Variants in RP1 observed in about 807,000 individuals in gnomAD.
RP1 encodes oxygen-regulated protein 1.
A neutral mutation model predicts 14.8 loss-of-function variants in RP1; 16 were observed. The ratio of observed to expected loss-of-function variants is 1.08; its 90% CI spans 0.73 to 1.65. The LOEUF is 1.65. RP1 is among the 40% of genes most tolerant of loss of function. The pLI is 0.00. For missense variants in RP1, 2,631 were observed against 2,535.0 expected (o/e 1.04, Z -0.81); for synonymous variants, 876 against 883.6 (o/e 0.99, Z 0.15).
chr8:54,779,423 A>G (rs1414887209), intron 23 of RP1, among the ~76,000 whole-genome samples: 1 of 152,164 alleles, frequency 6.6e-6, no homozygotes, highest in Non-Finnish European at 1.5e-5. Flanking sequence ...CTTAATTCAC[A>G]TGCATCTTCT....
At chr8:54,725,338 T>C (rs1258452720) in intron 16 of RP1, among the ~76,000 whole-genome samples, 1 of 152,200 alleles carries the variant, frequency 6.6e-6, no homozygotes, top group Non-Finnish European at 1.5e-5. Context: ...TGTCTCAGCA[T>C]TGCATTGTAT....
chr8:54,606,063 G>A (rs909511276), intron 1 of RP1, among the ~76,000 whole-genome samples: 2 of 152,074 alleles, frequency 1.3e-5, no homozygotes, highest in African/African-American at 4.8e-5. Context: ...ATATTGTTAT[G>A]TGTGAATTTG....
chr8:54,642,108 T>A (rs1806463779), intron 3 of RP1, among the ~76,000 whole-genome samples: 1 of 152,196 alleles, frequency 6.6e-6, no homozygotes, highest in Admixed American at 6.5e-5. Context: ...TTCTAGCCTG[T>A]GAATACTCTA....
intron 24 of RP1, among the ~76,000 whole-genome samples, chr8:54,784,498 TA>T (rs143181949): frequency 0.028 from 4,333 of 152,268 alleles, 119 homozygotes; most frequent in African/African-American, 0.063. Context: ...AAGTTTTTAC[TA>T]TTATAAATAA....
chr8:54,592,787 T>G (rs1214959156), intron 1 of RP1, among the ~76,000 whole-genome samples: 1 of 152,164 alleles, frequency 6.6e-6, no homozygotes, highest in African/African-American at 2.4e-5. Flanking sequence ...TTTTCATGCT[T>G]GTTGCCCCTT....
intron 27 of RP1, among the ~76,000 whole-genome samples, chr8:54,859,817 C>T (rs867787722): frequency 2.2e-4 from 34 of 152,176 alleles, no homozygotes; most frequent in African/African-American, 8.0e-4. Flanking sequence ...CCCTTGCCAG[C>T]AGCACATGGA....
At chr8:54,752,930 T>C (rs1012457326) in intron 19 of RP1, among the ~76,000 whole-genome samples, 1 of 152,216 alleles carries the variant, frequency 6.6e-6, no homozygotes, top group African/African-American at 2.4e-5. Context: ...TTAATATTAA[T>C]GTATGTATAC....
chr8:54,585,325 T>C (rs1804895229), intron 1 of RP1, among the ~76,000 whole-genome samples: 1 of 152,236 alleles, frequency 6.6e-6, no homozygotes, highest in South Asian at 2.1e-4. Flanking sequence ...AATATTGGCC[T>C]CCTGTCTCTT....
Position 54,758,921 on chromosome 8 carries a change from G to T in RP1, c.3094-1G>T. Reference sequence around the variant, plus strand: ...GTTTTTTTCTCTGTCTCCTGCACCAGATTGATAAATTTCAAGTAGCAGCAG... The same window carrying T: ...GTTTTTTTCTCTGTCTCCTGCACCATATTGATAAATTTCAAGTAGCAGCAG... On this transcript the variant is annotated splice_acceptor_variant, in intron 21 of 22. Coordinates refer to the RP1 transcript ENST00000636932. LOFTEE classifies it high-confidence loss of function. 6.5e-7 allele frequency: 1 copy of T among 1,535,426 alleles called. No homozygotes were observed. Among genetic ancestry groups the T allele is most frequent in the South Asian group, 1.2e-5 (1 of 84,028 alleles).
At chr8:54,843,292 G>A (rs1416662141) in intron 25 of RP1, among the ~76,000 whole-genome samples, 1 of 152,130 alleles carries the variant, frequency 6.6e-6, no homozygotes, top group Non-Finnish European at 1.5e-5. Context: ...ACGTTGGCCA[G>A]GCTGGTCTCA....
intron 18 of RP1, chr8:54,738,870 AAAAG>A: frequency 2.0e-6 from 2 of 995,040 alleles, no homozygotes; most frequent in Non-Finnish European, 2.8e-6. Context: ...AGTTAGTGTA[AAAAG>A]AAAGAATTTT....
In RP1 at chr8:54,625,870, A is replaced by G. The variant is rs980077955; in HGVS notation, c.1988A>G (p.Lys663Arg). The G allele has an allele frequency of 3.1e-6, 5 of 1,613,866 alleles. No individual in the cohort carries two copies. The highest frequency in any genetic ancestry group is 1.3e-5 in the African/African-American group (1 of 75,064). Residue 663 changes from lysine (K) to arginine (R), a missense_variant, in exon 4 of 4, where the codon AAG (lysine) becomes AGG (arginine). Coordinates refer to ENST00000220676, the MANE Select transcript of RP1 (RefSeq NM_006269.2). ...GLTKLPKNEKKILSSVASKKK... is the reference protein window; with the variant it reads ...GLTKLPKNEKRILSSVASKKK... ...ACAAAACTTCCAAAAAATGAAAAGA[A>G]GATTTTGTCATCTGTTGCCAGCAAA...
chr8:54,742,119 G>A (rs748709557), intron 19 of RP1, among the ~76,000 whole-genome samples: 1 of 151,980 alleles, frequency 6.6e-6, no homozygotes, highest in Non-Finnish European at 1.5e-5. Flanking sequence ...AAAAATAGAT[G>A]GTAATTAAAC....
At chr8:54,773,616 A>G (rs758754197), downstream of RP1, among the ~76,000 whole-genome samples, 1 of 152,156 alleles carries the variant, frequency 6.6e-6, no homozygotes, top group Non-Finnish European at 1.5e-5. Context: ...TGGCCTGGGC[A>G]ACAGATCAAG....
At chr8:54,596,265 G>A (rs1805143303) in intron 1 of RP1, among the ~76,000 whole-genome samples, 1 of 151,962 alleles carries the variant, frequency 6.6e-6, no homozygotes, top group African/African-American at 2.4e-5. Context: ...GTGATTTTTG[G>A]GGTACACTTG....
At chr8:54,859,575 T>TGGTGTC (rs1563398787) in intron 27 of RP1, among the ~76,000 whole-genome samples, 2 of 150,954 alleles carry the variant, frequency 1.3e-5, no homozygotes, top group Non-Finnish European at 3.0e-5. Flanking sequence ...CACTGTAGGG[T>TGGTGTC]AGTGTCACTG....
intron 12 of RP1, among the ~76,000 whole-genome samples, chr8:54,683,654 G>T (rs566104834): frequency 6.6e-6 from 1 of 152,150 alleles, no homozygotes; most frequent in Non-Finnish European, 1.5e-5. Context: ...CATTGATTTT[G>T]TATCCTGGGG....
At chr8:54,701,381 G>A in intron 13 of RP1, 1 of 933,556 alleles carries the variant, frequency 1.1e-6, no homozygotes, top group Non-Finnish European at 1.4e-6. Context: ...ATAGTACAAA[G>A]TTTCCATAAA....
At chr8:54,714,957 GA>G (rs1808367210) in intron 15 of RP1, among the ~76,000 whole-genome samples, 1 of 152,232 alleles carries the variant, frequency 6.6e-6, no homozygotes, top group Non-Finnish European at 1.5e-5. Context: ...ATTCATCTTG[GA>G]AAAGAGAAGG....
Sources: gnomAD v4.1 joint callset for allele counts (sites outside exome capture counted in the v4.1 genomes callset) on GRCh38, gnomAD v4.1.1 for gene constraint, MANE v1.5 for transcripts, NCBI Gene and HGNC (gene_info 2026-07-23, HGNC 2026-07-21) for gene names.